Variants in DLGAP2 observed in about 807,000 individuals in gnomAD.
DLGAP2 encodes disks large-associated protein 2.
DLGAP2 carries 26 observed loss-of-function variants against 100.3 expected under a neutral mutation model. The observed-to-expected ratio is 0.26, with a 90% CI of 0.19 to 0.36. DLGAP2 has a LOEUF of 0.36. DLGAP2 is among the 10% of genes least tolerant of loss of function. DLGAP2 has a pLI of 1.00. For missense variants in DLGAP2, 1,858 were observed against 1,453.2 expected, an observed-to-expected ratio of 1.28 and a Z score of -4.53; for synonymous variants, 886 against 630.1, an observed-to-expected ratio of 1.41 and a Z score of -6.08.
chr8:858,852 C>A (rs1797335891), intron 1 of DLGAP2, among the ~76,000 whole-genome samples: 2 of 152,208 alleles, frequency 1.3e-5, no homozygotes, highest in African/African-American at 4.8e-5. Context: ...GAATGGACAA[C>A]ACCAAGAGTA....
In DLGAP2 at chr8:1,228,411, A is replaced by G. The variant is rs537226809; in HGVS notation, c.74-30440A>G. Among the ~76,000 whole-genome samples the G allele has an allele frequency of 3.5e-4, 53 of 152,332 alleles. 1 individual carries two copies. Among genetic ancestry groups the G allele is most frequent in the African/African-American group, 1.2e-3 (51 of 41,586 alleles). Reference sequence around the variant, plus strand: ...GGATAAATTAATAACAATCTTACATATGCTCTTTCAAAATCAGAAGTTGGA... The same window carrying G: ...GGATAAATTAATAACAATCTTACATGTGCTCTTTCAAAATCAGAAGTTGGA... On this transcript the variant is annotated intron_variant, in intron 2 of 14. Coordinates refer to ENST00000637795, the MANE Select transcript of DLGAP2 (RefSeq NM_001346810.2).
intron 8 of DLGAP2, among the ~76,000 whole-genome samples, chr8:1,635,195 A>G (rs1401313176): frequency 2.0e-5 from 3 of 152,234 alleles, no homozygotes; most frequent in African/African-American, 7.2e-5. Flanking sequence ...TACTAAATAA[A>G]ATTTAGATGA....
intron 3 of DLGAP2, among the ~76,000 whole-genome samples, chr8:1,434,595 A>C (rs1348053483): frequency 6.6e-6 from 1 of 152,044 alleles, no homozygotes; most frequent in Non-Finnish European, 1.5e-5. Context: ...TCCCACTTCA[A>C]GTTCCCGAGT....
chr8:1,004,413 G>A (rs1178501236), intron 2 of DLGAP2, among the ~76,000 whole-genome samples: 1 of 152,172 alleles, frequency 6.6e-6, no homozygotes, highest in Non-Finnish European at 1.5e-5. Flanking sequence ...ATTACCTGCT[G>A]TTTCAAATAG....
chr8:1,505,473 G>T (rs1000779211), intron 4 of DLGAP2, among the ~76,000 whole-genome samples: 1 of 152,214 alleles, frequency 6.6e-6, no homozygotes, highest in Non-Finnish European at 1.5e-5. Context: ...ATTAGTGCCA[G>T]ATGAATTAAT....
intron 3 of DLGAP2, among the ~76,000 whole-genome samples, chr8:1,364,501 G>A (rs929049674): frequency 6.5e-5 from 9 of 137,532 alleles, no homozygotes; most frequent in African/African-American, 2.6e-4. Flanking sequence ...CATGGGAAGG[G>A]CGGGGGGGGT....
chr8:1,691,474 T>C, intron 12 of DLGAP2, 61 bp from the exon 13 acceptor site: 2 of 1,417,002 alleles, frequency 1.4e-6, no homozygotes, highest in East Asian at 2.3e-5. Context: ...GTTTCTGCTT[T>C]TGTGTAATTG....
intron 2 of DLGAP2, among the ~76,000 whole-genome samples, chr8:946,782 A>C (rs778409106): frequency 6.6e-6 from 1 of 152,200 alleles, no homozygotes; most frequent in Non-Finnish European, 1.5e-5. Context: ...TGGACTGCAG[A>C]GCCCTTCTCA....
intron 5 of DLGAP2, among the ~76,000 whole-genome samples, chr8:1,563,112 G>T (rs1481479863): frequency 1.0e-4 from 7 of 68,258 alleles, no homozygotes; most frequent in Non-Finnish European, 1.7e-4. Flanking sequence ...TGGTGTTGGG[G>T]TGTCCGCGCC....
chr8:1,566,175 G>T (rs1181239035), intron 6 of DLGAP2, among the ~76,000 whole-genome samples: 4 of 152,162 alleles, frequency 2.6e-5, no homozygotes, highest in Non-Finnish European at 4.4e-5. Flanking sequence ...TGATCATTCA[G>T]ATTATCCTCA....
intron 1 of DLGAP2, among the ~76,000 whole-genome samples, chr8:875,053 A>T (rs1389929080): frequency 6.6e-6 from 1 of 152,176 alleles, no homozygotes; most frequent in Non-Finnish European, 1.5e-5. Flanking sequence ...TCTGATATCA[A>T]TGTAGCTATT....
intron 2 of DLGAP2, among the ~76,000 whole-genome samples, chr8:1,028,918 G>A (rs531175628): frequency 1.3e-5 from 2 of 152,318 alleles, no homozygotes; most frequent in East Asian, 1.9e-4. Flanking sequence ...GTGAAGGACG[G>A]CCTGACCGAG....
At chr8:1,560,923 A>G (rs1453457613) in intron 5 of DLGAP2, among the ~76,000 whole-genome samples, 1 of 152,130 alleles carries the variant, frequency 6.6e-6, no homozygotes, top group African/African-American at 2.4e-5. Flanking sequence ...TCTGTGGGAC[A>G]TTTACATTGA....
chr8:1,554,672 C>A (rs73544390), intron 5 of DLGAP2, among the ~76,000 whole-genome samples: 1 of 152,094 alleles, frequency 6.6e-6, no homozygotes, highest in Non-Finnish European at 1.5e-5. Context: ...TATCCTGCAG[C>A]GTTCCAGAGG....
intron 6 of DLGAP2, among the ~76,000 whole-genome samples, chr8:1,570,042 A>G (rs61416604): frequency 0.024 from 3,612 of 152,340 alleles, 132 homozygotes; most frequent in African/African-American, 0.074. Context: ...GAGAATTCCC[A>G]TAGTTGTCAC....
chr8:1,457,841 C>G (rs1043237220), intron 3 of DLGAP2, among the ~76,000 whole-genome samples: 5 of 151,698 alleles, frequency 3.3e-5, no homozygotes, highest in African/African-American at 4.8e-5. Context: ...TCACGCAACT[C>G]ACTACTTGTC....
chr8:1,068,157 G>T (rs1341924894), intron 2 of DLGAP2, among the ~76,000 whole-genome samples: 1 of 152,158 alleles, frequency 6.6e-6, no homozygotes, highest in Non-Finnish European at 1.5e-5. Flanking sequence ...TTTTAGCAGT[G>T]AGTGCTATTC....
At chr8:1,206,817 A>G (rs1479967933) in intron 2 of DLGAP2, among the ~76,000 whole-genome samples, 3 of 152,088 alleles carry the variant, frequency 2.0e-5, no homozygotes, top group African/African-American at 7.2e-5. Flanking sequence ...CTAAGGCTCC[A>G]CGGGCCCCTC....
intron 2 of DLGAP2, among the ~76,000 whole-genome samples, chr8:1,202,241 AGT>A (rs36230610): frequency 0.31 from 45,614 of 148,984 alleles, 7,659 homozygotes; most frequent in Non-Finnish European, 0.39. Flanking sequence ...GTATAGATGC[AGT>A]GTGTGTGTGT....
Sources: allele counts gnomAD v4.1 joint callset (sites outside exome capture counted in the v4.1 genomes callset), GRCh38; gene constraint gnomAD v4.1.1; transcripts MANE v1.5; gene names NCBI Gene and HGNC (gene_info 2026-07-23, HGNC 2026-07-21).